Variants in TMEM207 observed in about 807,000 individuals in gnomAD.
TMEM207 encodes the protein SRSR846.
Under a neutral mutation model 17.4 loss-of-function variants are expected in TMEM207, and 15 were observed. That is an observed-to-expected ratio of 0.86 (90% CI 0.58 to 1.33). The LOEUF (loss-of-function observed/expected upper bound fraction) is 1.33. TMEM207 is among the 40% of genes most tolerant of loss of function. The pLI is 0.00. For synonymous variants in TMEM207, 70 were observed against 65.6 expected (o/e 1.07, Z -0.33); for missense variants, 205 against 173.8 (o/e 1.18, Z -1.01).
intron 2 of TMEM207, among the ~76,000 whole-genome samples, chr3:190,445,557 G>T (rs138732187): frequency 6.6e-6 from 1 of 152,164 alleles, no homozygotes; most frequent in Non-Finnish European, 1.5e-5. Flanking sequence ...ACGGAGTCTC[G>T]CTCTGTTACC....
At chr3:190,433,695 G>A (rs1040483529) in intron 4 of TMEM207, among the ~76,000 whole-genome samples, 1 of 152,110 alleles carries the variant, frequency 6.6e-6, no homozygotes, top group Non-Finnish European at 1.5e-5. Context: ...CCACATTTGA[G>A]AGGGGGGAGA....
In TMEM207 at chr3:190,444,312, A is replaced by G. The variant is rs1432072782; in HGVS notation, c.114-2830T>C. On this transcript the variant is annotated intron_variant, in intron 2 of 4. Coordinates refer to ENST00000354905, the MANE Select transcript of TMEM207 (RefSeq NM_207316.3). ...AGCCATTAAGTAACTTGCGCAAGTTAGCATAGCTGGAAGTGGTAGAAGTAG... is the reference window on the plus strand; with the variant it reads ...AGCCATTAAGTAACTTGCGCAAGTTGGCATAGCTGGAAGTGGTAGAAGTAG... 7.4e-6 allele frequency: 4 copies of G among 537,244 alleles called. No individual in the cohort carries two copies. In the African/African-American group the frequency reaches 8.3e-5, roughly 11 times the overall value. 33.3% of individuals were successfully genotyped at this position (537,244 alleles called of 1,614,324 possible).
chr3:190,442,348 C>CT (rs1257793047), intron 2 of TMEM207, among the ~76,000 whole-genome samples: 1 of 152,192 alleles, frequency 6.6e-6, no homozygotes, highest in African/African-American at 2.4e-5. Flanking sequence ...ATCATATCTT[C>CT]TTCAGCCATT....
chr3:190,429,800 G>T (rs370616396), intron 4 of TMEM207, 69 bp from the exon 5 acceptor site: 17 of 1,438,706 alleles, frequency 1.2e-5, no homozygotes, highest in Admixed American at 2.6e-5. Context: ...TGAACTGCCC[G>T]ATAAAATCTG....
intron 1 of TMEM207, among the ~76,000 whole-genome samples, chr3:190,448,360 G>A (rs908061786): frequency 1.3e-5 from 2 of 152,028 alleles, no homozygotes; most frequent in African/African-American, 4.8e-5. Flanking sequence ...TTCCAGTTGA[G>A]ATTTACAGTC....
rs760856253 is a variant in TMEM207 at position 190,429,656 on chromosome 3, G to A, written c.380C>T (p.Ala127Val). 10 of 1,613,478 alleles carry A rather than the reference G, an allele frequency of 6.2e-6. No homozygotes were observed. Among genetic ancestry groups the A allele is most frequent in the Non-Finnish European group, 3.4e-6 (4 of 1,179,702 alleles). ...TQTPDLYPVP[A>V]PCFGPLGSPP... ...GGAGCCTAAAGGGCCAAAACATGGA[G>A]CAGGAACAGGATATAGGTCAGGGGT... Residue 127 changes from alanine to valine, a missense_variant, in exon 5 of 5, where the codon GCT (alanine) becomes GTT (valine). Physicochemically the swap from Ala to Val is moderately conservative, Grantham distance 64. Transcript: ENST00000354905.
At chr3:190,441,310 T>C in intron 3 of TMEM207, 128 bp downstream of exon 3, 1 of 712,338 alleles carries the variant, frequency 1.4e-6, no homozygotes, top group Non-Finnish European at 2.4e-6. Context: ...GTGATGTTTC[T>C]ATATTCATTT....
intron 1 of TMEM207, 52 bp from the exon 2 acceptor site, chr3:190,447,879 C>T: frequency 6.5e-7 from 1 of 1,544,548 alleles, no homozygotes; most frequent in Non-Finnish European, 8.8e-7. Flanking sequence ...CAGTCTAATC[C>T]TTTAATACAA....
chr3:190,431,778 T>C (rs1305989751), intron 4 of TMEM207, among the ~76,000 whole-genome samples: 1 of 152,192 alleles, frequency 6.6e-6, no homozygotes, highest in Non-Finnish European at 1.5e-5. Flanking sequence ...TTTGTACGAT[T>C]GCCACTGTCT....
Position 190,447,770 on chromosome 3 carries a change from G to GT in TMEM207, c.113+19dup, listed in dbSNP as rs1452396562. ...TTTAAATGCGAAATAAAAACATGGAGTTTTTCGCTGTTTACTTACATTTCA... is the reference window on the plus strand; with the variant it reads ...TTTAAATGCGAAATAAAAACATGGAGTTTTTTCGCTGTTTACTTACATTTCA... On this transcript the variant is annotated intron_variant, in intron 2 of 4. Coordinates refer to ENST00000354905, the MANE Select transcript of TMEM207 (RefSeq NM_207316.3). The GT allele has an allele frequency of 7.5e-6, 12 of 1,608,474 alleles. No homozygotes were observed. The highest frequency in any genetic ancestry group is 1.0e-5 in the Non-Finnish European group (12 of 1,178,036).
chr3:190,429,540 T>C lies in TMEM207; in HGVS notation c.*55A>G. On this transcript the variant is annotated 3_prime_UTR_variant, in exon 5 of 5. Coordinates refer to ENST00000354905, the MANE Select transcript of TMEM207 (RefSeq NM_207316.3). The stretch of plus-strand genomic sequence containing the variant: ...CTGAAATAACTATTCCTAAATTTGA[T>C]GTTTTGGAATTACAGATGTCGTTAA... The C allele has an allele frequency of 6.3e-7, 1 of 1,587,212 alleles. No homozygotes were observed. Among genetic ancestry groups the C allele is most frequent in the Non-Finnish European group, 8.6e-7 (1 of 1,157,808 alleles).
intron 4 of TMEM207, among the ~76,000 whole-genome samples, chr3:190,431,567 A>T (rs1390893942): frequency 6.6e-6 from 1 of 152,108 alleles, no homozygotes; most frequent in Non-Finnish European, 1.5e-5. Flanking sequence ...GCGGGACTTG[A>T]TCAATCAGAG....
rs577851809 is a variant in TMEM207, at chr3:190,441,517, C to T, written c.114-35G>A. The T allele has an allele frequency of 2.3e-5, 36 of 1,562,146 alleles. 1 individual carries two copies. In the South Asian group the frequency reaches 3.8e-4, roughly 16 times the overall value. On this transcript the variant is annotated intron_variant, in intron 2 of 4. Coordinates refer to ENST00000354905, the MANE Select transcript of TMEM207 (RefSeq NM_207316.3). ...AAGGGAGAGCGTTAGTCCTGGAACT[C>T]AGGATAGCCAAAGCCTATTTCTTTC...
At chr3:190,439,637 C>G (rs1016732347) in intron 4 of TMEM207, among the ~76,000 whole-genome samples, 1 of 152,108 alleles carries the variant, frequency 6.6e-6, no homozygotes, top group Non-Finnish European at 1.5e-5. Context: ...CCCTGAATTT[C>G]CTCTGTTCTT....
chr3:190,434,986 A>T (rs1275501843), intron 4 of TMEM207, among the ~76,000 whole-genome samples: 1 of 152,236 alleles, frequency 6.6e-6, no homozygotes, highest in Non-Finnish European at 1.5e-5. Flanking sequence ...CTCTGATTTT[A>T]AACTGTTTCT....
intron 4 of TMEM207, among the ~76,000 whole-genome samples, chr3:190,439,084 G>A (rs544424423): frequency 2.3e-3 from 354 of 150,710 alleles, no homozygotes; most frequent in African/African-American, 8.3e-3. Flanking sequence ...GGCTGAGGCA[G>A]GAGAATGGCG....
At chr3:190,434,311 C>T (rs770620175) in intron 4 of TMEM207, among the ~76,000 whole-genome samples, 4 of 152,138 alleles carry the variant, frequency 2.6e-5, no homozygotes, top group Non-Finnish European at 4.4e-5. Flanking sequence ...TGATGGAAGA[C>T]AATTGAGTGG....
At chr3:190,444,404 G>C (rs1159777041) in intron 2 of TMEM207, 1 of 984,814 alleles carries the variant, frequency 1.0e-6, no homozygotes, top group Non-Finnish European at 1.2e-6. Context: ...GTGCGACTGG[G>C]ACAGTAATAG....
chr3:190,441,263 A>C (rs571824173), intron 3 of TMEM207, among the ~76,000 whole-genome samples, 175 bp downstream of exon 3: 1 of 152,352 alleles, frequency 6.6e-6, no homozygotes, highest in South Asian at 2.1e-4. Flanking sequence ...TTTTGTCACA[A>C]GAAGTGTTTA....
Sources: gnomAD v4.1 joint callset for allele counts (sites outside exome capture counted in the v4.1 genomes callset) on GRCh38, gnomAD v4.1.1 for gene constraint, MANE v1.5 for transcripts, NCBI Gene and HGNC (gene_info 2026-07-23, HGNC 2026-07-21) for gene names.